ZFP64: variants seen among roughly 807,000 people sequenced by gnomAD.
The protein encoded by ZFP64 is ZFP64 zinc finger protein.
A neutral mutation model predicts 51.6 loss-of-function variants in ZFP64; 14 were observed. The ratio of observed to expected loss-of-function variants is 0.27; its 90% CI spans 0.18 to 0.42. ZFP64 has a LOEUF of 0.42. ZFP64 is among the 10% of genes least tolerant of loss of function. ZFP64 has a pLI of 1.00. For missense variants in ZFP64, 754 were observed against 906.8 expected, an observed-to-expected ratio of 0.83 and a Z score of 2.16; for synonymous variants, 375 against 361.4, an observed-to-expected ratio of 1.04 and a Z score of -0.43.
Position 52,186,949 on chromosome 20 carries a change from T to G in ZFP64, c.169A>C (p.Thr57Pro). 6.2e-7 allele frequency: 1 copy of G among 1,614,144 alleles called. No homozygotes were observed. The highest frequency in any genetic ancestry group is 8.5e-7 in the Non-Finnish European group (1 of 1,179,992). The change falls in exon 2 of 6, where the codon ACA becomes CCA. Residue 57 changes from threonine to proline, a missense_variant. Physicochemically the swap from Thr to Pro is conservative, Grantham distance 38. Around this residue, in one of 3 missense-constraint regions of ZFP64, gnomAD observed 95 missense variants for 97.7 expected, o/e 0.97. Transcript: ENST00000216923. ...CTGGGGGCTGCTGCGGATGTGCCTG[T>G]CAGCTGGCAGCCACTTTGCTTGTGA... ...VAHKQSGCQLTGTSAAAPSTV... is the reference protein window; with the variant it reads ...VAHKQSGCQLPGTSAAAPSTV...
At chr20:52,166,131 C>T in intron 2 of ZFP64, 106 bp from the exon 3 acceptor site, 1 of 1,210,676 alleles carries the variant, frequency 8.3e-7, no homozygotes. Context: ...TTTGCTTTCC[C>T]AGCCTCCCTT....
intron 5 of ZFP64, among the ~76,000 whole-genome samples, chr20:52,120,400 C>T (rs1267526013): frequency 2.0e-5 from 3 of 152,094 alleles, no homozygotes; most frequent in African/African-American, 7.2e-5. Context: ...TGATCCTCGT[C>T]GTGGTAATGA....
At position 52,151,353 on chromosome 20, in the gene ZFP64, G is replaced by A. The variant is rs184233291; in HGVS notation, c.*793C>T. The stretch of plus-strand genomic sequence containing the variant: ...ATTAGCACTAAACATTTTTTTTTGG[G>A]TCAAGTATCCATGTCATATTATGTA... On this transcript the variant is annotated 3_prime_UTR_variant, in exon 6 of 6. Transcript: ENST00000216923. 77 of 984,824 alleles carry A rather than the reference G, an allele frequency of 7.8e-5. No homozygotes were observed. The East Asian group carries it at 6.9e-3, about 89-fold the overall frequency. The allele number at this position is 984,824 out of a possible 1,614,324, so 61.0% of individuals were successfully genotyped here. A position where few individuals can be genotyped will look rare whatever the true frequency, so the allele number is the denominator to read the frequency against.
At chr20:52,104,690 C>A in intron 5 of ZFP64, 1 of 474,592 alleles carries the variant, frequency 2.1e-6, no homozygotes, top group Non-Finnish European at 4.4e-6. Flanking sequence ...CGGGTCTTCG[C>A]TCGAACGTCC....
intron 1 of ZFP64, among the ~76,000 whole-genome samples, chr20:52,188,434 C>G (rs909098063): frequency 8.7e-5 from 13 of 149,130 alleles, no homozygotes; most frequent in Non-Finnish European, 4.5e-5. Context: ...CCTGCCCCAG[C>G]CTCCCAAGTA....
chr20:52,130,323 C>T (rs1485175527), intron 5 of ZFP64, among the ~76,000 whole-genome samples: 1 of 152,168 alleles, frequency 6.6e-6, no homozygotes, highest in South Asian at 2.1e-4. Context: ...AAGTGATCCT[C>T]CCACCTCAGC....
intron 7 of ZFP64, chr20:52,088,659 G>T (rs762621756): frequency 6.2e-7 from 1 of 1,613,318 alleles, no homozygotes; most frequent in Non-Finnish European, 8.5e-7. Flanking sequence ...AACACATAAG[G>T]AGTCAAAGTT....
In ZFP64 at chr20:52,153,734, T is replaced by C. The variant is rs1981077781; in HGVS notation, c.764-306A>G. On this transcript the variant is annotated intron_variant, in intron 5 of 5. Transcript: ENST00000216923. The surrounding 1 kb of genome is among the most constrained non-coding windows in gnomAD (Gnocchi z 5.1). Reference sequence around the variant, plus strand: ...GTTATATTCTTTAAAACACTCAAACTATCTTTCATACAGTTAATTTGCCCA... The same window carrying C: ...GTTATATTCTTTAAAACACTCAAACCATCTTTCATACAGTTAATTTGCCCA... Among the ~76,000 whole-genome samples the C allele has an allele frequency of 6.6e-6, 1 of 152,256 alleles. No homozygotes were observed. Among genetic ancestry groups the C allele is most frequent in the Non-Finnish European group, 1.5e-5 (1 of 68,050 alleles).
rs1325144683 is a variant in ZFP64 at position 52,153,075 on chromosome 20, A to C, written c.1117T>G (p.Cys373Gly). The change falls in exon 6 of 6, where the codon TGC (cysteine) becomes GGC (glycine). Residue 373 changes from cysteine (C) to glycine (G), a missense_variant. By Grantham distance (159) the Cys-to-Gly change is radical (BLOSUM62 -3). This residue lies in a region of ZFP64 where 428 missense variants were observed against 472.4 expected (regional missense o/e 0.91). Coordinates refer to ENST00000216923, the MANE Select transcript of ZFP64 (RefSeq NM_018197.3). The surrounding 1 kb of genome is among the most constrained non-coding windows in gnomAD (Gnocchi z 5.1). ...TTGGTGTCGAAGCTGCAGTAGTTGC[A>C]CTTGAAAGGGCGGTCGGTGCAGTGG... Reference protein sequence around the residue: ...RIHCTDRPFKCNYCSFDTKQP... With the variant: ...RIHCTDRPFKGNYCSFDTKQP... 6.2e-7 allele frequency: 1 copy of C among 1,614,042 alleles called. No individual in the cohort carries two copies. The highest frequency in any genetic ancestry group is 8.5e-7 in the Non-Finnish European group (1 of 1,180,044).
intron 2 of ZFP64, chr20:52,175,875 C>CAAAA: frequency 1.0e-5 from 10 of 965,600 alleles, no homozygotes; most frequent in South Asian, 4.8e-5. Flanking sequence ...CCCCCGCCCC[C>CAAAA]AAAATAATTC....
At chr20:52,135,065 T>C (rs1025745838) in intron 5 of ZFP64, among the ~76,000 whole-genome samples, 3 of 152,140 alleles carry the variant, frequency 2.0e-5, no homozygotes, top group African/African-American at 7.2e-5. Flanking sequence ...GGTTTCACCA[T>C]GTTGCCCAGG....
At chr20:52,146,412 A>C (rs1980529376), downstream of ZFP64, among the ~76,000 whole-genome samples, 1 of 151,842 alleles carries the variant, frequency 6.6e-6, no homozygotes, top group Non-Finnish European at 1.5e-5. Context: ...AAAAATGATG[A>C]GTTCATGTCC....
rs563657435 is a variant in ZFP64, at chr20:52,181,422, A to G, written c.286+5410T>C. 2.0e-5 allele frequency among the ~76,000 whole-genome samples: 3 copies of G among 152,314 alleles called. No homozygotes were observed. The South Asian group carries it at 6.2e-4, about 32-fold the overall frequency. The stretch of plus-strand genomic sequence containing the variant: ...GGGATATATTTCCATGAGCATCCAC[A>G]TGTAATTTTACAGCTCCCATATGAA... On this transcript the variant is annotated intron_variant, in intron 2 of 5. Transcript: ENST00000216923.
chr20:52,174,482 CAAAAAAAAAAAAA>C (rs386393988), intron 2 of ZFP64, among the ~76,000 whole-genome samples: 1 of 56,026 alleles, frequency 1.8e-5, no homozygotes, highest in African/African-American at 7.9e-5. Flanking sequence ...GGCTCCATCT[CAAAAAAAAAAAAA>C]AAAAAAAAAG....
Position 52,188,834 on chromosome 20 carries a change from G to A in ZFP64, c.47-1763C>T, listed in dbSNP as rs990886585. ...AAAAATAAACAAAAAAAATTAGCCCGGCGTGGTGGCACACACCTGTAATCC... is the reference window on the plus strand; with the variant it reads ...AAAAATAAACAAAAAAAATTAGCCCAGCGTGGTGGCACACACCTGTAATCC... On this transcript the variant is annotated intron_variant, in intron 1 of 5. Transcript: ENST00000216923. Among the ~76,000 whole-genome samples the A allele has an allele frequency of 2.0e-5, 3 of 151,728 alleles. No homozygotes were observed. The East Asian group carries it at 5.9e-4, about 30-fold the overall frequency.
intron 5 of ZFP64, 133 bp downstream of exon 5, chr20:52,159,990 C>T: frequency 2.0e-6 from 3 of 1,475,506 alleles, no homozygotes; most frequent in South Asian, 1.3e-5. Flanking sequence ...CAAAAAAAAA[C>T]AAAACTGCAA....
chr20:52,122,559 G>GTGAT (rs1979246078), intron 5 of ZFP64, among the ~76,000 whole-genome samples: 1 of 151,590 alleles, frequency 6.6e-6, no homozygotes, highest in Non-Finnish European at 1.5e-5. Context: ...GCCATAGACA[G>GTGAT]TGATTCCTTT....
chr20:52,085,574 A>ACC lies in ZFP64; in HGVS notation c.1229-310_1229-309dup, dbSNP rs1357069596. ...GGCACTCAAGTCCATACTCTTGATG[A>ACC]CCCCTTCAGTTTCAAATCTAAACTC... On this transcript the variant is annotated intron_variant, in intron 8 of 8. Transcript: ENST00000361387. This position sits in a 1 kb window ranked among gnomAD's most constrained non-coding sequence, Gnocchi z 4.3. 6.6e-6 allele frequency among the ~76,000 whole-genome samples: 1 copy of ACC among 152,076 alleles called. No homozygotes were observed. Among genetic ancestry groups the ACC allele is most frequent in the African/African-American group, 2.4e-5 (1 of 41,396 alleles).
In ZFP64 at chr20:52,127,241, C is replaced by A. The variant is rs6091450; in HGVS notation, c.764-28654G>T. ...CTGGGATTACAGTTGTGAGCCACCA[C>A]GCCTGGCCCAGAATTTTTTTTTTAA... On this transcript the variant is annotated intron_variant, in intron 5 of 8. Transcript: ENST00000361387. Among the ~76,000 whole-genome samples the A allele has an allele frequency of 2.0e-3, 305 of 151,652 alleles. 1 individual carries two copies. The highest frequency in any genetic ancestry group is 7.0e-3 in the African/African-American group (288 of 41,418).
Sources: allele counts gnomAD v4.1 joint callset (sites outside exome capture counted in the v4.1 genomes callset), GRCh38; gene constraint gnomAD v4.1.1; regional missense constraint gnomAD v4.1.1; non-coding constraint Gnocchi (gnomAD v3.1); transcripts MANE v1.5; gene names NCBI Gene and HGNC (gene_info 2026-07-23, HGNC 2026-07-21).